Variants in CREB3L1 observed in about 807,000 individuals in gnomAD.
CREB3L1 encodes cAMP responsive element binding protein 3 like 1.
In CREB3L1, 33 loss-of-function variants were observed where a neutral mutation model predicts 54.5. That is an observed-to-expected ratio of 0.61 (90% CI 0.46 to 0.81). The LOEUF (loss-of-function observed/expected upper bound fraction) is 0.81. CREB3L1 is among the 30% of genes least tolerant of loss of function. The probability of loss-of-function intolerance (pLI) is 0.00; values close to 1 mark genes in which losing one functional copy is unlikely to be tolerated. For missense variants in CREB3L1, 656 were observed against 673.3 expected, an observed-to-expected ratio of 0.97 and a Z score of 0.29; for synonymous variants, 284 against 286.4, an observed-to-expected ratio of 0.99 and a Z score of 0.08.
rs75553405 is a variant in CREB3L1, at chr11:46,285,635, G to A, written c.102+7422G>A. Among the ~76,000 whole-genome samples the A allele has an allele frequency of 6.1e-3, 928 of 152,154 alleles. 8 individuals carry two copies. The highest frequency in any genetic ancestry group is 0.021 in the African/African-American group (891 of 41,526). On this transcript the variant is annotated intron_variant, in intron 1 of 11. Coordinates refer to ENST00000621158, the MANE Select transcript of CREB3L1 (RefSeq NM_052854.4). ...TGGAGCAACCATGGGCTTCCCTGCC[G>A]CCGGGTTCAGTGTGCCTCCTCCCCT...
chr11:46,288,566 T>G (rs1258971581), intron 1 of CREB3L1, among the ~76,000 whole-genome samples: 3 of 152,170 alleles, frequency 2.0e-5, no homozygotes, highest in Non-Finnish European at 2.9e-5. Context: ...GTCTCAACTC[T>G]CTGGAGATGG....
At chr11:46,305,618 GTATATATA>G (rs1322906816) in intron 2 of CREB3L1, among the ~76,000 whole-genome samples, 1 of 139,284 alleles carries the variant, frequency 7.2e-6, no homozygotes, top group African/African-American at 2.8e-5. Flanking sequence ...ATGTGTGTGT[GTATATATA>G]TGTATATATA....
At chr11:46,315,603 G>A (rs771434933) in intron 8 of CREB3L1, 34 of 185,344 alleles carry the variant, frequency 1.8e-4, no homozygotes, top group South Asian at 1.9e-4. Flanking sequence ...AGGCCGAAGC[G>A]GGTGGATCAC....
chr11:46,290,823 C>T (rs1228743159), intron 1 of CREB3L1, among the ~76,000 whole-genome samples: 1 of 152,066 alleles, frequency 6.6e-6, no homozygotes, highest in East Asian at 1.9e-4. Context: ...TGGTAGTTCC[C>T]AGCTCAGCAC....
chr11:46,287,408 C>T (rs1327503397), intron 1 of CREB3L1, among the ~76,000 whole-genome samples: 1 of 152,136 alleles, frequency 6.6e-6, no homozygotes, highest in East Asian at 1.9e-4. Context: ...AAGTGATCCT[C>T]TCACCTCAAA....
intron 1 of CREB3L1, among the ~76,000 whole-genome samples, chr11:46,285,990 C>T (rs902273029): frequency 2.6e-5 from 4 of 152,358 alleles, no homozygotes; most frequent in African/African-American, 9.6e-5. Flanking sequence ...CTGGAATACC[C>T]TCACCCTTCT....
At position 46,320,488 on chromosome 11, in the gene CREB3L1, A is replaced by T; in HGVS notation, c.1483A>T (p.Ser495Cys). ...GCCTAAAGACGGTGGAAACGGCACCAGCCCCGACTTCTCCCACTCCAAGGA... is the reference window on the plus strand; with the variant it reads ...GCCTAAAGACGGTGGAAACGGCACCTGCCCCGACTTCTCCCACTCCAAGGA... Reference protein sequence around the residue: ...AWPKDGGNGTSPDFSHSKEWF... With the variant: ...AWPKDGGNGTCPDFSHSKEWF... The change falls in exon 11 of 12, where the codon AGC becomes TGC. Residue 495 changes from serine to cysteine, a missense_variant. Transcript: ENST00000621158. 1 of 1,591,586 alleles carries T rather than the reference A, an allele frequency of 6.3e-7. No individual in the cohort carries two copies. Among genetic ancestry groups the T allele is most frequent in the Non-Finnish European group, 8.6e-7 (1 of 1,169,476 alleles).
At position 46,278,729 on chromosome 11, in the gene CREB3L1, AC is replaced by A. The variant is rs1187221572; in HGVS notation, c.102+522del. Reference sequence around the variant, plus strand: ...CAGCCCCAGGGAATCAGGCCCAGAGACCCCCCACCCCAGGGAGGGACCTGAG... The same window carrying A: ...CAGCCCCAGGGAATCAGGCCCAGAGACCCCCACCCCAGGGAGGGACCTGAG... On this transcript the variant is annotated intron_variant, in intron 1 of 11. Coordinates refer to ENST00000621158, the MANE Select transcript of CREB3L1 (RefSeq NM_052854.4). The surrounding 1 kb of genome is among the most constrained non-coding windows in gnomAD (Gnocchi z 4.2). 6.6e-6 allele frequency among the ~76,000 whole-genome samples: 1 copy of A among 151,248 alleles called. No individual in the cohort carries two copies. Among genetic ancestry groups the A allele is most frequent in the Non-Finnish European group, 1.5e-5 (1 of 67,798 alleles).
chr11:46,280,136 G>T (rs1210225699), intron 1 of CREB3L1, among the ~76,000 whole-genome samples: 1 of 151,930 alleles, frequency 6.6e-6, no homozygotes, highest in African/African-American at 2.4e-5. Flanking sequence ...CCACCAGCCA[G>T]CGGGACAATT....
intron 2 of CREB3L1, among the ~76,000 whole-genome samples, chr11:46,305,601 CAT>C (rs1555222391): frequency 6.2e-4 from 90 of 145,162 alleles, no homozygotes; most frequent in Non-Finnish European, 9.2e-4. Flanking sequence ...TATACACACA[CAT>C]ATATATGTGT....
At chr11:46,309,920 G>C in intron 3 of CREB3L1, 69 bp from the exon 4 acceptor site, 1 of 1,283,256 alleles carries the variant, frequency 7.8e-7, no homozygotes, top group South Asian at 1.3e-5. Flanking sequence ...TTAGGGAGGA[G>C]GTGGGTAGAT....
intron 5 of CREB3L1, 80 bp from the exon 6 acceptor site, chr11:46,312,245 C>A: frequency 1.6e-6 from 2 of 1,257,984 alleles, no homozygotes; most frequent in Non-Finnish European, 2.2e-6. Flanking sequence ...TTGCCCAGGT[C>A]ATATAGATAG....
At chr11:46,280,808 G>T (rs532931827) in intron 1 of CREB3L1, among the ~76,000 whole-genome samples, 48 of 152,268 alleles carry the variant, frequency 3.2e-4, no homozygotes, top group African/African-American at 1.1e-3. Flanking sequence ...TCTGCATGAG[G>T]ATAGGAAAAT....
At chr11:46,300,864 G>A (rs1939287628) in intron 2 of CREB3L1, among the ~76,000 whole-genome samples, 2 of 152,088 alleles carry the variant, frequency 1.3e-5, no homozygotes, top group Non-Finnish European at 2.9e-5. Flanking sequence ...AATTACCCGG[G>A]GGTGGTGGCG....
chr11:46,320,142 C>A, intron 10 of CREB3L1, 122 bp from the exon 11 acceptor site: 1 of 1,121,488 alleles, frequency 8.9e-7, no homozygotes, highest in Non-Finnish European at 1.2e-6. Context: ...GGTCACACAT[C>A]CGGGAAGTGT....
chr11:46,315,214 C>A, intron 8 of CREB3L1: 3 of 298,648 alleles, frequency 1.0e-5, no homozygotes, highest in South Asian at 3.6e-5. Flanking sequence ...CCTGATTGGC[C>A]TGGAGAATCC....
chr11:46,304,081 C>T (rs1224744286), intron 2 of CREB3L1, among the ~76,000 whole-genome samples: 1 of 152,218 alleles, frequency 6.6e-6, no homozygotes, highest in Non-Finnish European at 1.5e-5. Context: ...TCCTCTTTCC[C>T]TCTAAAGGAC....
intron 2 of CREB3L1, 36 bp from the exon 3 acceptor site, chr11:46,307,780 G>A: frequency 6.7e-7 from 1 of 1,499,804 alleles, no homozygotes. Context: ...TGAGACCTCT[G>A]CCCTAGAGTC....
At position 46,311,061 on chromosome 11, in the gene CREB3L1, C is replaced by G; in HGVS notation, c.625C>G (p.Pro209Ala). Residue 209 changes from proline (P) to alanine (A), a missense_variant, in exon 5 of 12, where the codon CCC becomes GCC. Physicochemically the swap from Pro to Ala is conservative, Grantham distance 27. Transcript: ENST00000621158. ...CCTGGTGCAGATGCCTCCGACGCCC[C>G]CCAGCAGCCATGGCAGTGACAGCGA... ...EDLVQMPPTP[P>A]SSHGSDSDGS... 1 of 1,609,028 alleles carries G rather than the reference C, an allele frequency of 6.2e-7. No homozygotes were observed. Among genetic ancestry groups the G allele is most frequent in the Non-Finnish European group, 8.5e-7 (1 of 1,177,882 alleles).
Sources: gnomAD v4.1 joint callset for allele counts (sites outside exome capture counted in the v4.1 genomes callset) on GRCh38, gnomAD v4.1.1 for gene constraint, Gnocchi (gnomAD v3.1) non-coding constraint, MANE v1.5 for transcripts, NCBI Gene and HGNC (gene_info 2026-07-23, HGNC 2026-07-21) for gene names.